Variants in ZNF697 observed in about 807,000 individuals in gnomAD.
The protein encoded by ZNF697 is zinc finger protein 697.
Under a neutral mutation model 32.4 loss-of-function variants are expected in ZNF697, and 23 were observed. That is an observed-to-expected ratio of 0.71 (90% confidence interval 0.51 to 1.01). The LOEUF is 1.01. Among genes scored for constraint, ZNF697 ranks in the 50% least tolerant of loss-of-function variants. The pLI, the probability that ZNF697 is intolerant of heterozygous loss-of-function variation, is 0.00. For synonymous variants in ZNF697, 418 were observed against 337.2 expected (o/e 1.24, Z -2.62); for missense variants, 930 against 794.0 (o/e 1.17, Z -2.06).
intron 1 of ZNF697, among the ~76,000 whole-genome samples, chr1:119,629,108 C>T (rs1019089328): frequency 2.6e-5 from 4 of 152,202 alleles, no homozygotes; most frequent in Non-Finnish European, 4.4e-5. Flanking sequence ...GTCTAGCTCC[C>T]GTACACACAT....
In ZNF697 at chr1:119,623,155, C is replaced by G. The variant is rs1197875773; in HGVS notation, c.1188G>C (p.Leu396Phe). The G allele has an allele frequency of 6.3e-6, 10 of 1,584,380 alleles. No individual in the cohort carries two copies. Among genetic ancestry groups the G allele is most frequent in the African/African-American group, 2.7e-5 (2 of 73,730 alleles). ...CCGTGTGCACGCGCTGGTGCTTCACCAAGTCCGAGCGCCAGCTGAAGCGCT... is the reference window on the plus strand; with the variant it reads ...CCGTGTGCACGCGCTGGTGCTTCACGAAGTCCGAGCGCCAGCTGAAGCGCT... ...CGKRFSWRSD[L>F]VKHQRVHTGE... is the part of the protein sequence containing the mutation. Residue 396 changes from leucine to phenylalanine, a missense_variant, in exon 3 of 3, where the codon TTG (leucine) becomes TTC (phenylalanine). Transcript: ENST00000421812.
chr1:119,633,356 A>ATATG (rs369467811), intron 1 of ZNF697, among the ~76,000 whole-genome samples: 13 of 143,258 alleles, frequency 9.1e-5, no homozygotes, highest in African/African-American at 2.5e-4. Context: ...AACCAATAGG[A>ATATG]TGTGTGTGTG....
In ZNF697 at chr1:119,622,466, T is replaced by C; in HGVS notation, c.*239A>G. 3.0e-6 allele frequency: 2 copies of C among 671,646 alleles called. No individual in the cohort carries two copies. The highest frequency in any genetic ancestry group is 4.5e-6 in the Non-Finnish European group (2 of 444,670). 41.6% of individuals were successfully genotyped at this position (671,646 alleles called of 1,614,324 possible). ...CCCCTACAGCGTGTATTTAAGGAAG[T>C]CATCACCCCAAGCGCATCTCCTGAA... On this transcript the variant is annotated 3_prime_UTR_variant, in exon 3 of 3. Coordinates refer to ENST00000421812, the MANE Select transcript of ZNF697 (RefSeq NM_001080470.2).
chr1:119,623,692 A>G lies in ZNF697; in HGVS notation c.651T>C (p.Ala217=). 1 of 1,355,002 alleles carries G rather than the reference A, an allele frequency of 7.4e-7. No individual in the cohort carries two copies. The highest frequency in any genetic ancestry group is 4.2e-5 in the East Asian group (1 of 23,600). 83.9% of individuals were successfully genotyped at this position (1,355,002 alleles called of 1,614,324 possible). The change falls in exon 3 of 3, where the codon GCT becomes GCC. Residue 217 remains alanine, a synonymous_variant. Transcript: ENST00000421812. ...CGAAGGGCTCCAGGCTGGCGGCGGC[A>G]GCGGCCTCAGCCAGGCGGTGAATGC... ...HQRIHRLAEA[A]AAASLEPFGL...
Sources: allele counts gnomAD v4.1 joint callset (sites outside exome capture counted in the v4.1 genomes callset), GRCh38; gene constraint gnomAD v4.1.1; transcripts MANE v1.5; gene names NCBI Gene and HGNC (gene_info 2026-07-23, HGNC 2026-07-21).